The following FNDC3A variants were observed in gnomAD, a reference collection of about 807,000 sequenced individuals.
FNDC3A encodes fibronectin type-III domain-containing protein 3A.
FNDC3A carries 32 observed loss-of-function variants against 148.9 expected under a neutral mutation model. That is an observed-to-expected ratio of 0.21 (90% CI 0.16 to 0.29). The LOEUF (loss-of-function observed/expected upper bound fraction) is 0.29, where lower values mean the gene tolerates loss of function less well. FNDC3A is among the 10% of genes least tolerant of loss of function. The probability of loss-of-function intolerance (pLI) is 1.00; values close to 1 mark genes in which losing one functional copy is unlikely to be tolerated. For missense variants in FNDC3A, 1,191 were observed against 1,452.8 expected, an observed-to-expected ratio of 0.82 and a Z score of 2.93; for synonymous variants, 472 against 473.6, an observed-to-expected ratio of 1.00 and a Z score of 0.04.
intron 2 of FNDC3A, among the ~76,000 whole-genome samples, chr13:49,007,086 TTAAA>T (rs1232418331): frequency 1.3e-5 from 2 of 152,076 alleles, no homozygotes; most frequent in Non-Finnish European, 2.9e-5. Flanking sequence ...TCAGAAAGTC[TTAAA>T]TAACTTGCTC....
chr13:49,073,370 C>T (rs1225568761), intron 2 of FNDC3A, among the ~76,000 whole-genome samples: 4 of 152,024 alleles, frequency 2.6e-5, no homozygotes, highest in African/African-American at 9.7e-5. Context: ...CAAACTTAGA[C>T]ATAACAATCA....
intron 4 of FNDC3A, among the ~76,000 whole-genome samples, chr13:49,117,132 T>C (rs966824530): frequency 1.3e-5 from 2 of 152,176 alleles, no homozygotes; most frequent in African/African-American, 4.8e-5. Context: ...TAGTAGGAGC[T>C]CAGTAAATAT....
At chr13:49,059,921 C>T (rs1876542649) in intron 2 of FNDC3A, among the ~76,000 whole-genome samples, 1 of 152,134 alleles carries the variant, frequency 6.6e-6, no homozygotes, top group Admixed American at 6.5e-5. Context: ...AAAAGATGCT[C>T]AACATCATTA....
At chr13:49,132,489 A>G (rs149057659) in intron 5 of FNDC3A, among the ~76,000 whole-genome samples, 10 of 152,296 alleles carry the variant, frequency 6.6e-5, no homozygotes, top group Non-Finnish European at 1.0e-4. Flanking sequence ...CCTGGCCTCT[A>G]CTCACTAACT....
intron 8 of FNDC3A, among the ~76,000 whole-genome samples, chr13:49,150,198 C>G (rs1389271975): frequency 2.6e-5 from 4 of 152,170 alleles, no homozygotes; most frequent in Non-Finnish European, 5.9e-5. Flanking sequence ...GTCAGCCTCC[C>G]AAGTACCTGG....
At chr13:49,071,009 C>T (rs757282038) in intron 2 of FNDC3A, among the ~76,000 whole-genome samples, 1 of 149,322 alleles carries the variant, frequency 6.7e-6, no homozygotes, top group Non-Finnish European at 1.5e-5. Flanking sequence ...AGCAATCCTC[C>T]TGCCTCAGCC....
intron 2 of FNDC3A, among the ~76,000 whole-genome samples, chr13:49,027,086 A>G (rs942855568): frequency 1.3e-5 from 2 of 152,120 alleles, no homozygotes; most frequent in Non-Finnish European, 2.9e-5. Context: ...GTGTACAGAA[A>G]AAAACAGTCC....
chr13:49,178,141 T>C (rs1278021308), intron 13 of FNDC3A, among the ~76,000 whole-genome samples: 1 of 152,198 alleles, frequency 6.6e-6, no homozygotes, highest in Non-Finnish European at 1.5e-5. Context: ...CAATTAACCC[T>C]TCAATTATTT....
intron 1 of FNDC3A, among the ~76,000 whole-genome samples, chr13:48,990,633 A>G (rs1951897758): frequency 6.8e-6 from 1 of 148,040 alleles, no homozygotes; most frequent in Admixed American, 6.8e-5. Context: ...ATGGTGGTGC[A>G]TGCTTGTAGT....
At chr13:49,054,570 A>G (rs1356426632) in intron 2 of FNDC3A, among the ~76,000 whole-genome samples, 2 of 152,178 alleles carry the variant, frequency 1.3e-5, no homozygotes, top group Non-Finnish European at 2.9e-5. Context: ...ATATTTCTGC[A>G]CTCTCACCTT....
In FNDC3A at chr13:49,038,009, C is replaced by T. The variant is rs182522256; in HGVS notation, c.99+31720C>T. On this transcript the variant is annotated intron_variant, in intron 2 of 25. Transcript: ENST00000492622. ...GCTTTATTGAGTGGTAGAAGTGGCTCTCAGCAGGATGGATGGGGAGCTGGA... is the reference window on the plus strand; with the variant it reads ...GCTTTATTGAGTGGTAGAAGTGGCTTTCAGCAGGATGGATGGGGAGCTGGA... Among the ~76,000 whole-genome samples the T allele has an allele frequency of 2.2e-4, 33 of 152,258 alleles. 1 individual carries two copies. Among genetic ancestry groups the T allele is most frequent in the Admixed American group, 1.8e-3 (27 of 15,300 alleles).
intron 4 of FNDC3A, among the ~76,000 whole-genome samples, chr13:49,116,445 C>CA (rs570092348): frequency 1.3e-3 from 199 of 152,310 alleles, no homozygotes; most frequent in Non-Finnish European, 2.3e-3. Flanking sequence ...GGCAAAGACT[C>CA]ATGCCGCTCT....
intron 19 of FNDC3A, among the ~76,000 whole-genome samples, chr13:49,196,136 T>TTAAAGA (rs1417720265): frequency 6.6e-6 from 1 of 151,326 alleles, no homozygotes; most frequent in African/African-American, 2.4e-5. Flanking sequence ...AGATGGGCAT[T>TTAAAGA]TGGCAAAACT....
intron 3 of FNDC3A, among the ~76,000 whole-genome samples, chr13:49,087,865 G>A (rs757926533): frequency 6.6e-5 from 10 of 152,092 alleles, no homozygotes; most frequent in South Asian, 2.1e-4. Context: ...TTATGCAGTC[G>A]GTTATTTTTA....
intron 4 of FNDC3A, among the ~76,000 whole-genome samples, chr13:49,118,986 G>A (rs1881151815): frequency 6.6e-6 from 1 of 152,208 alleles, no homozygotes; most frequent in African/African-American, 2.4e-5. Context: ...GGATCTCCCA[G>A]CAGAGCTCCC....
chr13:49,177,870 G>A (rs1885110498), intron 13 of FNDC3A, among the ~76,000 whole-genome samples: 1 of 152,164 alleles, frequency 6.6e-6, no homozygotes, highest in Admixed American at 6.5e-5. Flanking sequence ...TATGTTAGTA[G>A]ATAGGTGGAG....
intron 4 of FNDC3A, among the ~76,000 whole-genome samples, chr13:49,116,524 G>A (rs113712588): frequency 0.011 from 1,727 of 152,332 alleles, 36 homozygotes; most frequent in African/African-American, 0.039. Flanking sequence ...GCTGGGCATG[G>A]TGGCTCACGC....
At chr13:49,117,973 T>A (rs973297531) in intron 4 of FNDC3A, among the ~76,000 whole-genome samples, 2 of 152,194 alleles carry the variant, frequency 1.3e-5, no homozygotes, top group Non-Finnish European at 1.5e-5. Flanking sequence ...CCATAAATAG[T>A]TGTCACATAA....
intron 3 of FNDC3A, among the ~76,000 whole-genome samples, chr13:49,086,275 A>T (rs906978619): frequency 1.3e-5 from 2 of 151,968 alleles, no homozygotes; most frequent in Admixed American, 6.6e-5. Context: ...TTTTGAGGGG[A>T]TTGTTCATGC....
Sources: allele counts gnomAD v4.1 joint callset (sites outside exome capture counted in the v4.1 genomes callset), GRCh38; gene constraint gnomAD v4.1.1; transcripts MANE v1.5; gene names NCBI Gene and HGNC (gene_info 2026-07-23, HGNC 2026-07-21).